PDLIM5: variants seen among roughly 807,000 people sequenced by gnomAD.
The protein encoded by PDLIM5 is PDZ and LIM domain protein 5.
A neutral mutation model predicts 64.2 loss-of-function variants in PDLIM5; 34 were observed. That is an observed-to-expected ratio of 0.53 (90% CI 0.40 to 0.71). PDLIM5 has a LOEUF of 0.71. Ranked by LOEUF, PDLIM5 falls within the 30% of genes least tolerant of loss-of-function variation. PDLIM5 has a pLI of 0.00. For missense variants in PDLIM5, 683 were observed against 733.6 expected (o/e 0.93, Z 0.80); for synonymous variants, 253 against 269.1 (o/e 0.94, Z 0.59).
intron 2 of PDLIM5, among the ~76,000 whole-genome samples, chr4:94,504,581 G>A (rs955538963): frequency 1.3e-5 from 2 of 152,136 alleles, no homozygotes; most frequent in Non-Finnish European, 2.9e-5. Flanking sequence ...CGCCGTGCCT[G>A]GCCCGTTACG....
chr4:94,565,896 C>A (rs997261013), intron 3 of PDLIM5, among the ~76,000 whole-genome samples: 4 of 152,060 alleles, frequency 2.6e-5, no homozygotes, highest in Non-Finnish European at 5.9e-5. Flanking sequence ...TATTATGTAT[C>A]TGTATATATT....
intron 2 of PDLIM5, among the ~76,000 whole-genome samples, chr4:94,470,975 CAAGAG>C (rs1453376602): frequency 3.3e-5 from 5 of 152,122 alleles, no homozygotes; most frequent in African/African-American, 1.2e-4. Flanking sequence ...TGGCGACAGT[CAAGAG>C]AAGAGATCAT....
intron 12 of PDLIM5, among the ~76,000 whole-genome samples, chr4:94,663,150 C>T (rs1742875977): frequency 6.6e-6 from 1 of 152,108 alleles, no homozygotes; most frequent in Non-Finnish European, 1.5e-5. Flanking sequence ...TAAACGTGCT[C>T]TGTTCAGGTG....
intron 8 of PDLIM5, among the ~76,000 whole-genome samples, chr4:94,637,215 A>G (rs188206776): frequency 6.6e-6 from 1 of 152,282 alleles, no homozygotes; most frequent in East Asian, 1.9e-4. Flanking sequence ...CTCATAAATT[A>G]AAAAAGTGGT....
chr4:94,654,322 C>A, intron 9 of PDLIM5, 138 bp from the exon 10 acceptor site: 1 of 634,142 alleles, frequency 1.6e-6, no homozygotes, highest in Non-Finnish European at 2.8e-6. Context: ...CAACACCCAA[C>A]ACCCATGAGT....
At chr4:94,526,337 C>T (rs1041202640) in intron 3 of PDLIM5, among the ~76,000 whole-genome samples, 1 of 152,192 alleles carries the variant, frequency 6.6e-6, no homozygotes, top group African/African-American at 2.4e-5. Flanking sequence ...TGCTTAAATA[C>T]AGAATCTGAC....
chr4:94,644,211 A>C (rs560973087), intron 9 of PDLIM5, among the ~76,000 whole-genome samples: 13 of 152,236 alleles, frequency 8.5e-5, no homozygotes, highest in Non-Finnish European at 1.6e-4. Context: ...GACAGTTGCT[A>C]TGATTATTCC....
intron 7 of PDLIM5, among the ~76,000 whole-genome samples, chr4:94,617,376 A>G (rs1292162646): frequency 2.6e-5 from 4 of 152,164 alleles, no homozygotes; most frequent in Non-Finnish European, 5.9e-5. Flanking sequence ...TCCCTTTATT[A>G]TGAATGCATA....
intron 3 of PDLIM5, among the ~76,000 whole-genome samples, chr4:94,564,887 A>G (rs1208330250): frequency 1.3e-5 from 2 of 151,580 alleles, no homozygotes; most frequent in African/African-American, 4.8e-5. Flanking sequence ...TGATCTCCTG[A>G]CCTCGTGATC....
chr4:94,520,290 T>G (rs1301295911), intron 2 of PDLIM5, among the ~76,000 whole-genome samples: 2 of 152,240 alleles, frequency 1.3e-5, no homozygotes, highest in South Asian at 2.1e-4. Flanking sequence ...TAGTTTGATT[T>G]ATGCTGAGCT....
chr4:94,609,300 A>T (rs79515730), intron 7 of PDLIM5, among the ~76,000 whole-genome samples: 1 of 152,210 alleles, frequency 6.6e-6, no homozygotes, highest in African/African-American at 2.4e-5. Flanking sequence ...TTCACACTAT[A>T]CGTTTATACA....
intron 7 of PDLIM5, among the ~76,000 whole-genome samples, chr4:94,612,254 A>G (rs1738431078): frequency 6.6e-6 from 1 of 152,070 alleles, no homozygotes; most frequent in South Asian, 2.1e-4. Context: ...CAAACAAAAA[A>G]TATATATATA....
chr4:94,523,863 T>A lies in PDLIM5; in HGVS notation c.236T>A (p.Met79Lys). 1 of 1,612,220 alleles carries A rather than the reference T, an allele frequency of 6.2e-7. No individual in the cohort carries two copies. Residue 79 changes from methionine (M) to lysine (K), a missense_variant, in exon 3 of 13, where the codon ATG becomes AAG. By Grantham distance (95) the Met-to-Lys change is moderately conservative. Transcript: ENST00000317968. The part of the protein sequence containing the change: ...KIKGCTGSLN[M>K]TLQRASAAPK... ...AAGGGTTGTACAGGCTCTTTGAATATGACTCTGCAAAGGTAAGTTGCTTTT... is the reference window on the plus strand; with the variant it reads ...AAGGGTTGTACAGGCTCTTTGAATAAGACTCTGCAAAGGTAAGTTGCTTTT...
At chr4:94,636,416 CAAA>C (rs71581597) in intron 8 of PDLIM5, among the ~76,000 whole-genome samples, 20 of 128,086 alleles carry the variant, frequency 1.6e-4, no homozygotes, top group African/African-American at 4.9e-4. Flanking sequence ...TTTAAAAAGG[CAAA>C]AAAAAAAAAA....
chr4:94,530,041 T>G (rs2110152761), intron 3 of PDLIM5, among the ~76,000 whole-genome samples: 1 of 152,232 alleles, frequency 6.6e-6, no homozygotes. Flanking sequence ...ATGAAAAAGG[T>G]GTTTAACTGT....
chr4:94,644,078 A>G (rs60886792), intron 9 of PDLIM5, among the ~76,000 whole-genome samples: 1 of 152,372 alleles, frequency 6.6e-6, no homozygotes, highest in African/African-American at 2.4e-5. Flanking sequence ...GATTAGAAAG[A>G]ACATAAATGT....
intron 9 of PDLIM5, among the ~76,000 whole-genome samples, chr4:94,643,681 A>C (rs139287314): frequency 6.6e-6 from 1 of 152,162 alleles, no homozygotes; most frequent in Non-Finnish European, 1.5e-5. Context: ...CCACATTACT[A>C]TTGTTTTGCC....
chr4:94,510,762 C>T (rs1728801053), intron 2 of PDLIM5, among the ~76,000 whole-genome samples: 1 of 152,064 alleles, frequency 6.6e-6, no homozygotes, highest in African/African-American at 2.4e-5. Context: ...AATCCTAGCA[C>T]TTTGGGAGAC....
intron 7 of PDLIM5, chr4:94,610,178 G>A (rs1738249954): frequency 6.6e-7 from 1 of 1,523,714 alleles, no homozygotes; most frequent in Non-Finnish European, 8.8e-7. Flanking sequence ...AGCTCCACAG[G>A]AAATGTGGAA....
Sources: allele counts gnomAD v4.1 joint callset (sites outside exome capture counted in the v4.1 genomes callset), GRCh38; gene constraint gnomAD v4.1.1; transcripts MANE v1.5; gene names NCBI Gene and HGNC (gene_info 2026-07-23, HGNC 2026-07-21).